Variants in FRMPD4 observed in about 807,000 individuals in gnomAD.
The protein encoded by FRMPD4 is FERM and PDZ domain-containing protein 4.
In FRMPD4, 22 loss-of-function variants were observed where a neutral mutation model predicts 94.1. That is an observed-to-expected ratio of 0.23 (90% confidence interval 0.17 to 0.33). The LOEUF (loss-of-function observed/expected upper bound fraction) is 0.33, where lower values mean the gene tolerates loss of function less well. FRMPD4 is among the 10% of genes least tolerant of loss of function. FRMPD4 has a pLI of 1.00. For missense variants in FRMPD4, 1,111 were observed against 1,339.9 expected (o/e 0.83, Z 2.67); for synonymous variants, 631 against 548.6 (o/e 1.15, Z -2.10).
At chrX:12,004,588 A>T (rs770865665) in intron 3 of FRMPD4, among the ~76,000 whole-genome samples, 2 of 111,649 alleles carry the variant, frequency 1.8e-5, no homozygotes, top group East Asian at 5.6e-4. Flanking sequence ...AAATTGGAAC[A>T]GGTTAGATTT....
intron 1 of FRMPD4, among the ~76,000 whole-genome samples, chrX:12,176,159 G>A (rs1040235136): frequency 1.9e-4 from 21 of 112,208 alleles, no homozygotes; most frequent in African/African-American, 5.8e-4. Flanking sequence ...AAGCTTCAGC[G>A]CATATTAGTT....
chrX:12,117,613 G>A (rs774108459), intron 3 of FRMPD4, among the ~76,000 whole-genome samples: 1 of 111,525 alleles, frequency 9.0e-6, no homozygotes, highest in South Asian at 3.8e-4. Context: ...GATACCAACT[G>A]GCTTTTAGAT....
At chrX:12,622,014 GA>G (rs1399557221) in intron 4 of FRMPD4, among the ~76,000 whole-genome samples, 11 of 50,135 alleles carry the variant, frequency 2.2e-4, no homozygotes, top group Non-Finnish European at 2.7e-4. Flanking sequence ...AAGAAAGAAA[GA>G]AAGGAAGGAA....
chrX:12,292,736 G>A (rs1412815916), intron 1 of FRMPD4, among the ~76,000 whole-genome samples: 1 of 111,167 alleles, frequency 9.0e-6, no homozygotes, highest in African/African-American at 3.3e-5. Flanking sequence ...TTTTTCATAT[G>A]CATTATTATA....
intron 1 of FRMPD4, among the ~76,000 whole-genome samples, chrX:12,234,502 G>A (rs757289881): frequency 9.0e-6 from 1 of 111,131 alleles, no homozygotes; most frequent in African/African-American, 3.3e-5. Context: ...TTGAACATTT[G>A]CCATGGCTTG....
chrX:12,073,498 T>A (rs2054987241), intron 3 of FRMPD4, among the ~76,000 whole-genome samples: 1 of 111,972 alleles, frequency 8.9e-6, no homozygotes, highest in African/African-American at 3.2e-5. Flanking sequence ...TGTAAAAAAA[T>A]TCCTACCTCA....
chrX:12,620,134 C>A (rs1220900373), intron 4 of FRMPD4, among the ~76,000 whole-genome samples: 1 of 112,917 alleles, frequency 8.9e-6, no homozygotes, highest in Non-Finnish European at 1.9e-5. Flanking sequence ...CAGCCACTCT[C>A]ATCTGGTATT....
chrX:12,125,540 T>A (rs964599804), intron 3 of FRMPD4, among the ~76,000 whole-genome samples: 1 of 110,448 alleles, frequency 9.1e-6, no homozygotes, highest in African/African-American at 3.3e-5. Context: ...AATTTTTTTT[T>A]AATCCCCCCC....
chrX:12,423,262 A>AAAT (rs1306215346), intron 1 of FRMPD4, among the ~76,000 whole-genome samples: 3 of 98,917 alleles, frequency 3.0e-5, no homozygotes, highest in Non-Finnish European at 6.4e-5. Flanking sequence ...AATAAATAAA[A>AAAT]AATAAAAAAC....
chrX:12,566,122 C>T (rs2058709430), intron 2 of FRMPD4, among the ~76,000 whole-genome samples: 1 of 111,354 alleles, frequency 9.0e-6, no homozygotes, highest in Non-Finnish European at 1.9e-5. Context: ...ACTGTGTGTC[C>T]TATAGTAAGG....
chrX:12,530,421 C>A (rs974208333), intron 2 of FRMPD4, among the ~76,000 whole-genome samples: 2 of 111,038 alleles, frequency 1.8e-5, no homozygotes, highest in African/African-American at 6.6e-5. Context: ...AGTAGAGAGC[C>A]ACTGAAGATC....
intron 2 of FRMPD4, among the ~76,000 whole-genome samples, chrX:12,539,947 A>T (rs2058387731): frequency 8.9e-6 from 1 of 112,132 alleles, no homozygotes; most frequent in Non-Finnish European, 1.9e-5. Context: ...ACATTCTTAA[A>T]GAAAAGGATT....
At chrX:12,639,806 A>G (rs1000097892) in intron 4 of FRMPD4, among the ~76,000 whole-genome samples, 3 of 111,913 alleles carry the variant, frequency 2.7e-5, no homozygotes, top group African/African-American at 9.7e-5. Flanking sequence ...AAGAGGCTCA[A>G]AGAGGTGTAG....
At chrX:12,222,108 C>T (rs2056875072) in intron 1 of FRMPD4, among the ~76,000 whole-genome samples, 1 of 111,415 alleles carries the variant, frequency 9.0e-6, no homozygotes, top group Non-Finnish European at 1.9e-5. Flanking sequence ...CAAAGAGGGA[C>T]GATTGCTTGA....
intron 3 of FRMPD4, among the ~76,000 whole-genome samples, chrX:12,087,261 T>A (rs139442120): frequency 4.0e-3 from 441 of 110,643 alleles, no homozygotes; most frequent in African/African-American, 0.014. Context: ...GGGAGAGGAA[T>A]GGGGGCTAAG....
At chrX:11,849,545 G>T (rs757319072) in intron 1 of FRMPD4, among the ~76,000 whole-genome samples, 1 of 111,574 alleles carries the variant, frequency 9.0e-6, no homozygotes. Context: ...AATCAAAACA[G>T]TGTGGTACTG....
chrX:12,431,876 T>G (rs760772764), intron 1 of FRMPD4, among the ~76,000 whole-genome samples: 2 of 112,263 alleles, frequency 1.8e-5, no homozygotes, highest in Admixed American at 1.9e-4. Flanking sequence ...AATGTGTCAT[T>G]TCTGCCTTAT....
At chrX:12,140,589 TCAAC>T (rs2055676156) in intron 1 of FRMPD4, among the ~76,000 whole-genome samples, 1 of 112,209 alleles carries the variant, frequency 8.9e-6, no homozygotes, top group Non-Finnish European at 1.9e-5. Flanking sequence ...AAAGGGAAGT[TCAAC>T]CAATAGTATA....
intron 3 of FRMPD4, among the ~76,000 whole-genome samples, chrX:11,984,142 G>A (rs1035585628): frequency 8.9e-6 from 1 of 112,458 alleles, no homozygotes; most frequent in African/African-American, 3.2e-5. Flanking sequence ...TAGAAGCATT[G>A]TCATGTTGCA....
Sources: allele counts gnomAD v4.1 joint callset (sites outside exome capture counted in the v4.1 genomes callset), GRCh38; gene constraint gnomAD v4.1.1; transcripts MANE v1.5; gene names NCBI Gene and HGNC (gene_info 2026-07-23, HGNC 2026-07-21).